Variants in XRRA1 observed in about 807,000 individuals in gnomAD.
XRRA1 encodes X-ray radiation resistance associated 1, also known as X-ray radiation resistance-associated protein 1.
Under a neutral mutation model 80.2 loss-of-function variants are expected in XRRA1, and 69 were observed. The ratio of observed to expected loss-of-function variants is 0.86; its 90% CI spans 0.71 to 1.05. XRRA1 has a LOEUF of 1.05. XRRA1 is among the 50% of genes least tolerant of loss of function. XRRA1 has a pLI of 0.00. For synonymous variants in XRRA1, 348 were observed against 389.9 expected (o/e 0.89, Z 1.27); for missense variants, 967 against 976.4 (o/e 0.99, Z 0.13).
chr11:74,877,999 A>AATGGT (rs2046478123), intron 10 of XRRA1, among the ~76,000 whole-genome samples: 1 of 151,820 alleles, frequency 6.6e-6, no homozygotes, highest in African/African-American at 2.4e-5. Context: ...GGCTGGGTCA[A>AATGGT]ATGGTATTTC....
chr11:74,888,169 C>T (rs2049565111), intron 10 of XRRA1, among the ~76,000 whole-genome samples: 1 of 152,194 alleles, frequency 6.6e-6, no homozygotes, highest in Non-Finnish European at 1.5e-5. Context: ...GGGAGGCACC[C>T]CCCAGTAGGG....
intron 1 of XRRA1, among the ~76,000 whole-genome samples, chr11:74,947,464 G>A (rs1947819613): frequency 6.6e-6 from 1 of 152,122 alleles, no homozygotes. Context: ...CTTGAACCCA[G>A]GAGGCAGAGG....
rs747618929 is a variant in XRRA1 at position 74,907,145 on chromosome 11, C to T, written c.785G>A (p.Arg262Lys). Residue 262 changes from arginine to lysine, a missense_variant and splice_region_variant, in exon 9 of 19, where the codon AGA becomes AAA. Arg to Lys is a conservative substitution (Grantham distance 26, BLOSUM62 2). Coordinates refer to ENST00000684022, the MANE Select transcript of XRRA1 (RefSeq NM_001378157.1). ...SCFASLAGLR[R>K]LKKLSLDENR... Reference sequence around the variant, plus strand: ...AGCAGAGAAAGGCTTATGGCTTTACCTCCTGAGCCCAGCCAGGCTGGCAAA... The same window carrying T: ...AGCAGAGAAAGGCTTATGGCTTTACTTCCTGAGCCCAGCCAGGCTGGCAAA... 12 of 1,613,580 alleles carry T rather than the reference C, an allele frequency of 7.4e-6. No homozygotes were observed. The highest frequency in any genetic ancestry group is 2.2e-5 in the South Asian group (2 of 91,050).
chr11:74,916,347 T>C (rs181898292), intron 8 of XRRA1, among the ~76,000 whole-genome samples: 1 of 152,304 alleles, frequency 6.6e-6, no homozygotes, highest in Admixed American at 6.5e-5. Context: ...TTAGGCTTTG[T>C]TCAAGTCAAT....
At chr11:74,875,152 C>A (rs555964212) in intron 10 of XRRA1, among the ~76,000 whole-genome samples, 1 of 152,230 alleles carries the variant, frequency 6.6e-6, no homozygotes, top group East Asian at 1.9e-4. Context: ...AGTTATTATC[C>A]TCAGTTTTCC....
chr11:74,917,348 G>A (rs1320757737), intron 8 of XRRA1, among the ~76,000 whole-genome samples: 1 of 152,170 alleles, frequency 6.6e-6, no homozygotes, highest in Non-Finnish European at 1.5e-5. Context: ...GTAATTGACT[G>A]AAATTAGTTG....
At chr11:74,877,740 A>T (rs979653071) in intron 10 of XRRA1, among the ~76,000 whole-genome samples, 2 of 151,370 alleles carry the variant, frequency 1.3e-5, no homozygotes, top group African/African-American at 4.9e-5. Context: ...GCGATAGTTT[A>T]CTGAGAATGA....
intron 18 of XRRA1, 27 bp from the exon 19 acceptor site, chr11:74,843,480 A>C (rs756438591): frequency 4.5e-5 from 72 of 1,601,500 alleles, no homozygotes; most frequent in Non-Finnish European, 3.1e-5. Context: ...CAGGAGAGGC[A>C]CCAAGCTCAT....
chr11:74,921,672 C>G (rs898656074), intron 7 of XRRA1, among the ~76,000 whole-genome samples: 4 of 152,158 alleles, frequency 2.6e-5, no homozygotes, highest in Admixed American at 2.6e-4. Flanking sequence ...TCCAAGCCCC[C>G]AAAAGACAGC....
rs373386619 is a variant in XRRA1, at chr11:74,943,824, CT to C, written c.-5+1193del. Among the ~76,000 whole-genome samples the C allele has an allele frequency of 9.4e-3, 1,402 of 149,630 alleles. 26 individuals carry two copies. The highest frequency in any genetic ancestry group is 0.032 in the African/African-American group (1,311 of 40,918). ...GCTACATTTCTTTTTTCTGATTCAT[CT>C]TTTTTTTTTCTTTTGAGACAGTGTC... is the stretch of plus-strand genomic sequence containing the variant. On this transcript the variant is annotated intron_variant, in intron 2 of 18. Transcript: ENST00000684022.
chr11:74,871,387 T>A (rs1010285980), intron 10 of XRRA1, among the ~76,000 whole-genome samples: 1 of 152,214 alleles, frequency 6.6e-6, no homozygotes, highest in African/African-American at 2.4e-5. Context: ...TTGTCTCCCC[T>A]AGCTTTCTAG....
chr11:74,854,101 G>C (rs1332750199), intron 12 of XRRA1, among the ~76,000 whole-genome samples: 1 of 152,168 alleles, frequency 6.6e-6, no homozygotes, highest in East Asian at 1.9e-4. Flanking sequence ...AACAATGAAA[G>C]AACATACAAT....
At chr11:74,847,465 GTACCA>G (rs2038583268) in intron 15 of XRRA1, among the ~76,000 whole-genome samples, 1 of 152,212 alleles carries the variant, frequency 6.6e-6, no homozygotes, top group African/African-American at 2.4e-5. Flanking sequence ...GTTTCTGCAT[GTACCA>G]TTTTAATTTC....
intron 10 of XRRA1, among the ~76,000 whole-genome samples, chr11:74,877,967 G>A (rs1010228372): frequency 6.6e-6 from 1 of 151,758 alleles, no homozygotes; most frequent in Non-Finnish European, 1.5e-5. Context: ...TAATCCTTTG[G>A]GTATATACCC....
intron 2 of XRRA1, among the ~76,000 whole-genome samples, chr11:74,944,393 TAAGA>T (rs761701518): frequency 5.3e-5 from 8 of 152,282 alleles, no homozygotes; most frequent in East Asian, 1.9e-4. Flanking sequence ...AAAACCTTCC[TAAGA>T]AAGGGCAATA....
chr11:74,848,413 T>C lies in XRRA1; in HGVS notation c.1430A>G (p.His477Arg), dbSNP rs1435324015. Residue 477 changes from histidine to arginine, a missense_variant, in exon 15 of 19, where the codon CAC becomes CGC. Transcript: ENST00000684022. ...KVPKQPLVLH[H>R]PRMTTTKSPS... ...AGACTTGGTTGTCGTCATGCGCGGG[T>C]GATGGAGCACCAGAGGCTGCTTCGG... 1 of 1,613,536 alleles carries C rather than the reference T, an allele frequency of 6.2e-7. No homozygotes were observed. The highest frequency in any genetic ancestry group is 1.3e-5 in the African/African-American group (1 of 74,976).
chr11:74,940,739 C>T (rs757902012), intron 3 of XRRA1, 46 bp downstream of exon 3: 24 of 1,485,288 alleles, frequency 1.6e-5, no homozygotes, highest in African/African-American at 1.1e-4. Flanking sequence ...GTCTAAAGCA[C>T]GAGCTAGGTA....
At position 74,949,082 on chromosome 11, in the gene XRRA1, G is replaced by A. The variant is rs971019141; in HGVS notation, c.-227C>T. On this transcript the variant is annotated 5_prime_UTR_variant, in exon 1 of 19. Coordinates refer to ENST00000684022, the MANE Select transcript of XRRA1 (RefSeq NM_001378157.1). ...CACGCCTTAGTAACTGCGACGCGACGGCAGACAGTGTAGGCGGCAACCGAC... is the reference window on the plus strand; with the variant it reads ...CACGCCTTAGTAACTGCGACGCGACAGCAGACAGTGTAGGCGGCAACCGAC... 3 of 486,872 alleles carry A rather than the reference G, an allele frequency of 6.2e-6. No individual in the cohort carries two copies. The highest frequency in any genetic ancestry group is 1.1e-5 in the Non-Finnish European group (3 of 273,952). 30.2% of individuals were successfully genotyped at this position (486,872 alleles called of 1,614,324 possible).
intron 10 of XRRA1, among the ~76,000 whole-genome samples, chr11:74,886,660 A>G (rs1214682787): frequency 1.3e-5 from 2 of 152,252 alleles, no homozygotes; most frequent in Non-Finnish European, 2.9e-5. Flanking sequence ...TATAGATTCA[A>G]TGCTATTCCT....
Sources: allele counts gnomAD v4.1 joint callset (sites outside exome capture counted in the v4.1 genomes callset), GRCh38; gene constraint gnomAD v4.1.1; transcripts MANE v1.5; gene names NCBI Gene and HGNC (gene_info 2026-07-23, HGNC 2026-07-21).